SIPA1L2: variants seen among roughly 807,000 people sequenced by gnomAD.
The protein encoded by SIPA1L2 is signal induced proliferation associated 1 like 2, also known as signal-induced proliferation-associated 1-like protein 2.
In SIPA1L2, 56 loss-of-function variants were observed where a neutral mutation model predicts 163.9. The observed-to-expected ratio is 0.34, with a 90% CI of 0.28 to 0.43. The LOEUF is 0.43. Ranked by LOEUF, SIPA1L2 falls within the 20% of genes least tolerant of loss-of-function variation. The probability of loss-of-function intolerance (pLI) is 1.00; values close to 1 mark genes in which losing one functional copy is unlikely to be tolerated. For synonymous variants in SIPA1L2, 877 were observed against 865.7 expected, an observed-to-expected ratio of 1.01 and a Z score of -0.23; for missense variants, 1,974 against 2,193.5, an observed-to-expected ratio of 0.90 and a Z score of 2.00.
intron 2 of SIPA1L2, among the ~76,000 whole-genome samples, chr1:232,539,469 CATA>C (rs2103103549): frequency 6.6e-6 from 1 of 152,312 alleles, no homozygotes; most frequent in East Asian, 1.9e-4. Flanking sequence ...CGGGAGAAGA[CATA>C]ATAAGAGATT....
At chr1:232,622,742 G>A (rs1352704126) in intron 1 of SIPA1L2, among the ~76,000 whole-genome samples, 2 of 152,202 alleles carry the variant, frequency 1.3e-5, no homozygotes, top group Non-Finnish European at 2.9e-5. Flanking sequence ...TTCCATATCA[G>A]AGTTCAATCA....
At chr1:232,597,295 G>A (rs1168021683) in intron 1 of SIPA1L2, among the ~76,000 whole-genome samples, 1 of 152,094 alleles carries the variant, frequency 6.6e-6, no homozygotes, top group Non-Finnish European at 1.5e-5. Context: ...CAGAGGAAAA[G>A]GCACAAGGTG....
intron 1 of SIPA1L2, among the ~76,000 whole-genome samples, chr1:232,588,715 C>A (rs955217000): frequency 6.6e-6 from 1 of 152,150 alleles, no homozygotes; most frequent in Non-Finnish European, 1.5e-5. Context: ...TGGATGGCAA[C>A]CACAGCTACA....
chr1:232,533,405 C>G, intron 2 of SIPA1L2, among the ~76,000 whole-genome samples: 1 of 152,224 alleles, frequency 6.6e-6, no homozygotes, highest in Non-Finnish European at 1.5e-5. Flanking sequence ...GACCACAGTT[C>G]TCCTCCAAGT....
intron 5 of SIPA1L2, among the ~76,000 whole-genome samples, chr1:232,487,834 G>A (rs1048783365): frequency 5.9e-5 from 9 of 151,836 alleles, no homozygotes; most frequent in Admixed American, 3.3e-4. Context: ...CTTGTACAGA[G>A]TACATATACT....
intron 3 of SIPA1L2, among the ~76,000 whole-genome samples, chr1:232,494,708 T>C (rs1666090734): frequency 1.3e-5 from 2 of 152,208 alleles, no homozygotes; most frequent in Admixed American, 6.5e-5. Flanking sequence ...ATTCAAGATA[T>C]GGTCCAATAC....
chr1:232,537,877 A>T (rs1657410051), intron 2 of SIPA1L2, among the ~76,000 whole-genome samples: 1 of 152,224 alleles, frequency 6.6e-6, no homozygotes, highest in South Asian at 2.1e-4. Flanking sequence ...TGATCCTTAA[A>T]CTATCTACAT....
At position 232,514,339 on chromosome 1, in the gene SIPA1L2, A is replaced by T; in HGVS notation, c.1001T>A (p.Val334Asp). The T allele has an allele frequency of 6.2e-7, 1 of 1,613,278 alleles. No homozygotes were observed. Among genetic ancestry groups the T allele is most frequent in the Non-Finnish European group, 8.5e-7 (1 of 1,180,036 alleles). ...GTTGATATTAAACAAAATGCTCTGG[A>T]CATCATAATGTGCAAAACATCGCTG... ...NCQRCFAHYDVQSILFNINEA... is the reference protein window; with the variant it reads ...NCQRCFAHYDDQSILFNINEA... Residue 334 changes from valine to aspartate, a missense_variant, in exon 3 of 23, where the codon GTC becomes GAC. Coordinates refer to ENST00000674635, the MANE Select transcript of SIPA1L2 (RefSeq NM_020808.5).
chr1:232,441,993 G>T, intron 12 of SIPA1L2, 125 bp from the exon 13 acceptor site: 1 of 722,206 alleles, frequency 1.4e-6, no homozygotes, highest in Non-Finnish European at 2.2e-6. Flanking sequence ...TGGTTTTCTG[G>T]CAAATGAAAA....
intron 1 of SIPA1L2, among the ~76,000 whole-genome samples, chr1:232,609,383 A>G (rs1037235947): frequency 6.6e-6 from 1 of 152,160 alleles, no homozygotes; most frequent in Non-Finnish European, 1.5e-5. Flanking sequence ...TTGCTTCACA[A>G]TTTCTTCTTC....
intron 1 of SIPA1L2, among the ~76,000 whole-genome samples, chr1:232,600,817 T>C (rs1002881844): frequency 6.6e-6 from 1 of 152,106 alleles, no homozygotes; most frequent in Non-Finnish European, 1.5e-5. Context: ...AAGCCACTCA[T>C]ATGGAAGCCT....
At chr1:232,551,049 C>T (rs1234774069) in intron 2 of SIPA1L2, among the ~76,000 whole-genome samples, 1 of 152,100 alleles carries the variant, frequency 6.6e-6, no homozygotes, top group African/African-American at 2.4e-5. Context: ...ATCCTCCTAC[C>T]ACCACCTATT....
chr1:232,487,789 A>G (rs571206354), intron 5 of SIPA1L2, among the ~76,000 whole-genome samples: 2 of 152,260 alleles, frequency 1.3e-5, no homozygotes, highest in South Asian at 2.1e-4. Context: ...GGAATGATCT[A>G]AACACCCACA....
At chr1:232,421,717 A>G (rs1391755246) in intron 18 of SIPA1L2, among the ~76,000 whole-genome samples, 1 of 152,186 alleles carries the variant, frequency 6.6e-6, no homozygotes, top group Non-Finnish European at 1.5e-5. Context: ...CTGAAGCAAC[A>G]TGTGCAAGTA....
intron 1 of SIPA1L2, among the ~76,000 whole-genome samples, chr1:232,586,298 C>T (rs1335409690): frequency 6.6e-6 from 1 of 152,166 alleles, no homozygotes; most frequent in Non-Finnish European, 1.5e-5. Context: ...CTAGGTTTCA[C>T]ACATCCACAT....
At chr1:232,623,202 A>C (rs1321266305) in intron 1 of SIPA1L2, among the ~76,000 whole-genome samples, 1 of 152,214 alleles carries the variant, frequency 6.6e-6, no homozygotes, top group Non-Finnish European at 1.5e-5. Context: ...TGTGTGCTAC[A>C]GTTCTGGCCA....
rs750544794 is a variant in SIPA1L2 at position 232,514,784 on chromosome 1, C to T, written c.556G>A (p.Ala186Thr). Residue 186 changes from alanine (A) to threonine (T), a missense_variant, in exon 3 of 23, where the codon GCT becomes ACT. Ala to Thr is a moderately conservative substitution (Grantham distance 58, BLOSUM62 0). This residue lies in a region of SIPA1L2 where 607 missense variants were observed against 624.0 expected (regional missense o/e 0.97). Coordinates refer to ENST00000674635, the MANE Select transcript of SIPA1L2 (RefSeq NM_020808.5). ...CTTCCATACTCCCTGTGCAGGGCAG[C>T]CCCGGTGTTGGGGTTGACTGCATTT... ...DQNAVNPNTG[A>T]ALHREYGSTS... The T allele has an allele frequency of 4.3e-6, 7 of 1,614,090 alleles. No individual in the cohort carries two copies. The African/African-American group carries it at 9.3e-5, about 22-fold the overall frequency.
rs73092866 is a variant in SIPA1L2 at position 232,450,566 on chromosome 1, T to G, written c.3096-4780A>C. Among the ~76,000 whole-genome samples, 1,384 of 152,340 alleles carry G rather than the reference T, an allele frequency of 9.1e-3. 27 individuals are homozygous for G. The highest frequency in any genetic ancestry group is 0.032 in the African/African-American group (1,312 of 41,582). ...TGCCTGAGTAGTGCACATCAGGAAC[T>G]GTAACTGACTACCATTGAAGTTACA... On this transcript the variant is annotated intron_variant, in intron 10 of 22. Transcript: ENST00000674635.
At chr1:232,523,058 C>G (rs750954867) in intron 2 of SIPA1L2, among the ~76,000 whole-genome samples, 1 of 152,202 alleles carries the variant, frequency 6.6e-6, no homozygotes, top group African/African-American at 2.4e-5. Context: ...ATTCTCTTCC[C>G]AACTACAACT....
Sources: gnomAD v4.1 joint callset for allele counts (sites outside exome capture counted in the v4.1 genomes callset) on GRCh38, gnomAD v4.1.1 for gene constraint, gnomAD v4.1.1 regional missense constraint, MANE v1.5 for transcripts, NCBI Gene and HGNC (gene_info 2026-07-23, HGNC 2026-07-21) for gene names.